The following FAM117B variants were observed in gnomAD, a reference collection of about 807,000 sequenced individuals.
The protein encoded by FAM117B is protein FAM117B.
A neutral mutation model predicts 52.8 loss-of-function variants in FAM117B; 22 were observed. The observed-to-expected ratio is 0.42, with a 90% CI of 0.30 to 0.59. The LOEUF (loss-of-function observed/expected upper bound fraction) is 0.59. FAM117B is among the 20% of genes least tolerant of loss of function. FAM117B has a pLI of 0.22. For synonymous variants in FAM117B, 309 were observed against 324.1 expected, an observed-to-expected ratio of 0.95 and a Z score of 0.50; for missense variants, 678 against 802.6, an observed-to-expected ratio of 0.84 and a Z score of 1.88.
chr2:202,741,780 C>T (rs1295317772), intron 4 of FAM117B, among the ~76,000 whole-genome samples: 1 of 152,150 alleles, frequency 6.6e-6, no homozygotes, highest in Non-Finnish European at 1.5e-5. Context: ...TCGTGATCCA[C>T]CTGCCTTGGC....
intron 1 of FAM117B, among the ~76,000 whole-genome samples, chr2:202,645,591 C>T (rs908192707): frequency 2.0e-5 from 3 of 146,888 alleles, no homozygotes; most frequent in African/African-American, 7.6e-5. Flanking sequence ...GCCCGGCAGC[C>T]TGTTTTTATT....
chr2:202,734,956 AAG>A (rs1236897716), intron 4 of FAM117B, among the ~76,000 whole-genome samples: 1 of 152,240 alleles, frequency 6.6e-6, no homozygotes, highest in Non-Finnish European at 1.5e-5. Flanking sequence ...AAATTTCCAA[AAG>A]AGAGCTGTAT....
chr2:202,706,739 A>G (rs1690874331), intron 2 of FAM117B, among the ~76,000 whole-genome samples: 1 of 152,254 alleles, frequency 6.6e-6, no homozygotes, highest in Admixed American at 6.5e-5. Flanking sequence ...TTTGAGTAAC[A>G]GCTGTTTTGA....
At chr2:202,712,177 A>G (rs1004833625) in intron 2 of FAM117B, among the ~76,000 whole-genome samples, 1 of 152,120 alleles carries the variant, frequency 6.6e-6, no homozygotes, top group Admixed American at 6.6e-5. Flanking sequence ...ATCCATGAAC[A>G]TGGGATTTCT....
chr2:202,673,433 GTTTTTTTTTTTTTTTTT>G (rs1158185300), intron 1 of FAM117B, among the ~76,000 whole-genome samples: 3 of 37,534 alleles, frequency 8.0e-5, no homozygotes, highest in Admixed American at 9.8e-4. Context: ...TTCTTTTTCT[GTTTTTTTTTTTTTTTTT>G]TTTTTTTTTT....
chr2:202,756,140 T>C (rs1216118879), intron 5 of FAM117B, among the ~76,000 whole-genome samples: 1 of 152,142 alleles, frequency 6.6e-6, no homozygotes, highest in African/African-American at 2.4e-5. Context: ...TATCTGGCTG[T>C]GCACAGTGGC....
At chr2:202,738,160 T>G (rs1330777960) in intron 4 of FAM117B, among the ~76,000 whole-genome samples, 1 of 152,222 alleles carries the variant, frequency 6.6e-6, no homozygotes, top group Non-Finnish European at 1.5e-5. Flanking sequence ...TGGATAAAAG[T>G]CCTTTGTTGG....
intron 1 of FAM117B, among the ~76,000 whole-genome samples, chr2:202,669,489 G>A (rs571101763): frequency 1.3e-5 from 2 of 152,082 alleles, no homozygotes; most frequent in African/African-American, 2.4e-5. Flanking sequence ...GCTTATTTTC[G>A]GGAGTGAATC....
chr2:202,727,094 C>T (rs527838140), intron 4 of FAM117B, among the ~76,000 whole-genome samples: 86 of 152,190 alleles, frequency 5.7e-4, no homozygotes, highest in Middle Eastern at 3.4e-3. Context: ...TGGATGAGAT[C>T]TCTTGGCAAG....
intron 4 of FAM117B, among the ~76,000 whole-genome samples, chr2:202,752,802 C>T (rs1408861698): frequency 6.6e-6 from 1 of 152,112 alleles, no homozygotes; most frequent in Non-Finnish European, 1.5e-5. Context: ...AAGTAATATC[C>T]TGTAATTATG....
At chr2:202,639,080 G>A (rs1336145330) in intron 1 of FAM117B, among the ~76,000 whole-genome samples, 1 of 152,190 alleles carries the variant, frequency 6.6e-6, no homozygotes, top group Non-Finnish European at 1.5e-5. Context: ...GCTACCACCA[G>A]TTTGCAGCTG....
chr2:202,642,595 G>T (rs1379404969), intron 1 of FAM117B, among the ~76,000 whole-genome samples: 1 of 152,124 alleles, frequency 6.6e-6, no homozygotes, highest in East Asian at 1.9e-4. Context: ...AATGAACTCA[G>T]TTGTGGATGT....
Position 202,726,234 on chromosome 2 carries a change from A to G in FAM117B, c.847-16A>G, listed in dbSNP as rs764833158. 1.9e-6 allele frequency: 3 copies of G among 1,593,852 alleles called. No homozygotes were observed. The highest frequency in any genetic ancestry group is 2.6e-6 in the Non-Finnish European group (3 of 1,162,988). ...TAGAAAACACTCTGGTGTACTTGCT[A>G]TTTTTGCTTTCTCAGATTGCAAAAT... On this transcript the variant is annotated splice_polypyrimidine_tract_variant and intron_variant, in intron 3 of 7. Transcript: ENST00000392238.
chr2:202,745,356 C>T (rs980267147), intron 4 of FAM117B, among the ~76,000 whole-genome samples: 1 of 151,816 alleles, frequency 6.6e-6, no homozygotes, highest in African/African-American at 2.4e-5. Flanking sequence ...TAGGTCAGCC[C>T]TACAAGGAAT....
At chr2:202,635,934 AC>A in intron 1 of FAM117B, 146 bp downstream of exon 1, 2 of 841,210 alleles carry the variant, frequency 2.4e-6, no homozygotes, top group African/African-American at 2.0e-5. Flanking sequence ...GCGGTGGGGG[AC>A]CCGGCAGTGC....
chr2:202,715,369 G>A (rs1240921032), intron 2 of FAM117B, among the ~76,000 whole-genome samples: 92 of 151,568 alleles, frequency 6.1e-4, no homozygotes, highest in African/African-American at 2.1e-3. Flanking sequence ...CCCAGACGGG[G>A]TGGCTGCCAG....
intron 1 of FAM117B, among the ~76,000 whole-genome samples, chr2:202,656,755 A>G (rs570042931): frequency 5.9e-5 from 9 of 152,010 alleles, no homozygotes; most frequent in African/African-American, 1.5e-4. Flanking sequence ...CTGATTTTCT[A>G]TTTGTTTTAT....
intron 1 of FAM117B, among the ~76,000 whole-genome samples, chr2:202,667,104 A>G (rs906154042): frequency 6.7e-6 from 1 of 150,144 alleles, no homozygotes; most frequent in Non-Finnish European, 1.5e-5. Flanking sequence ...ACTTTAGTAA[A>G]TTTTTCTTTT....
At chr2:202,693,589 G>A (rs1199898122) in intron 1 of FAM117B, among the ~76,000 whole-genome samples, 1 of 152,130 alleles carries the variant, frequency 6.6e-6, no homozygotes, top group Admixed American at 6.6e-5. Flanking sequence ...GAGCGAGACT[G>A]TATGTCAAAA....
Sources: allele counts gnomAD v4.1 joint callset (sites outside exome capture counted in the v4.1 genomes callset), GRCh38; gene constraint gnomAD v4.1.1; transcripts MANE v1.5; gene names NCBI Gene and HGNC (gene_info 2026-07-23, HGNC 2026-07-21).